The following AJAP1 variants were observed in gnomAD, a reference collection of about 807,000 sequenced individuals.
AJAP1 encodes the protein adherens junction-associated protein 1.
In AJAP1, 5 loss-of-function variants were observed where a neutral mutation model predicts 35.0. The ratio of observed to expected loss-of-function variants is 0.14; its 90% CI spans 0.07 to 0.30. The LOEUF (loss-of-function observed/expected upper bound fraction) is 0.30, where lower values mean the gene tolerates loss of function less well. Among genes scored for constraint, AJAP1 ranks in the 10% least tolerant of loss-of-function variants. The pLI, the probability that AJAP1 is intolerant of heterozygous loss-of-function variation, is 1.00. For synonymous variants in AJAP1, 284 were observed against 249.3 expected (o/e 1.14, Z -1.31); for missense variants, 586 against 571.0 (o/e 1.03, Z -0.27).
intron 2 of AJAP1, among the ~76,000 whole-genome samples, chr1:4,724,765 T>C (rs1640610355): frequency 6.6e-6 from 1 of 151,542 alleles, no homozygotes; most frequent in Non-Finnish European, 1.5e-5. Flanking sequence ...ATGCAACTTC[T>C]GGGCTTAGAG....
In AJAP1 at chr1:4,711,475, T is replaced by G. The variant is rs553406753; in HGVS notation, c.30-425T>G. ...CCAGGTGGAGGCCGGTGTCCGCTGC[T>G]GCCATCCTCTCACTTACGTCCTCTC... On this transcript the variant is annotated intron_variant, in intron 1 of 5. Transcript: ENST00000378191. 5.9e-5 allele frequency among the ~76,000 whole-genome samples: 9 copies of G among 152,314 alleles called. No homozygotes were observed. In the East Asian group the frequency reaches 1.7e-3, roughly 30 times the overall value.
intron 2 of AJAP1, among the ~76,000 whole-genome samples, chr1:4,733,651 C>T (rs1640852962): frequency 6.6e-6 from 1 of 151,744 alleles, no homozygotes; most frequent in African/African-American, 2.4e-5. Flanking sequence ...CTGCTCCGAG[C>T]GCGGGAAATC....
intron 1 of AJAP1, among the ~76,000 whole-genome samples, chr1:4,676,990 C>G (rs184902072): frequency 6.6e-6 from 1 of 152,286 alleles, no homozygotes; most frequent in African/African-American, 2.4e-5. Context: ...AACCCCGTCT[C>G]TACTAAAAAT....
At chr1:4,677,981 T>A (rs542172197) in intron 1 of AJAP1, among the ~76,000 whole-genome samples, 32 of 152,300 alleles carry the variant, frequency 2.1e-4, no homozygotes, top group Non-Finnish European at 1.8e-4. Context: ...GTAGAGGATG[T>A]CGATCAGCCC....
chr1:4,655,381 G>C lies in AJAP1; in HGVS notation c.-45G>C. 1 of 1,524,372 alleles carries C rather than the reference G, an allele frequency of 6.6e-7. No individual in the cohort carries two copies. Among genetic ancestry groups the C allele is most frequent in the Non-Finnish European group, 8.8e-7 (1 of 1,133,318 alleles). 94.4% of individuals were successfully genotyped at this position (1,524,372 alleles called of 1,614,324 possible). ...AGCGGGCGCGGGCGCCGCGCAGATG[G>C]CCTGGGCGAGCCAGGTCTGAGGCCC... On this transcript the variant is annotated 5_prime_UTR_variant, in exon 1 of 6. Coordinates refer to ENST00000378191, the MANE Select transcript of AJAP1 (RefSeq NM_018836.4). This position sits in a 1 kb window ranked among gnomAD's most constrained non-coding sequence, Gnocchi z 6.9.
rs903708474 is a variant in AJAP1, at chr1:4,786,887, A to T, written c.*4402A>T. On this transcript the variant is annotated 3_prime_UTR_variant, in exon 6 of 6. Transcript: ENST00000378191. The stretch of plus-strand genomic sequence containing the variant: ...ACCATCACCCTCTTTCATCAAGGTG[A>T]TCTCTTTCATCAGGGCATATATGAG... 6.6e-6 allele frequency: 1 copy of T among 152,068 alleles called. No homozygotes were observed. The highest frequency in any genetic ancestry group is 1.5e-5 in the Non-Finnish European group (1 of 68,018). 9.4% of individuals were successfully genotyped at this position (152,068 alleles called of 1,614,324 possible).
At chr1:4,711,298 CT>C (rs1214476318) in intron 1 of AJAP1, 1 of 152,346 alleles carries the variant, frequency 6.6e-6, no homozygotes, top group Non-Finnish European at 1.5e-5. Context: ...GTGCAAGTGC[CT>C]GGCAGGTGTA....
At chr1:4,754,223 G>A (rs963210577) in intron 2 of AJAP1, among the ~76,000 whole-genome samples, 1 of 152,154 alleles carries the variant, frequency 6.6e-6, no homozygotes, top group African/African-American at 2.4e-5. Context: ...TCTATTTCTA[G>A]TGTCCACAAT....
intron 5 of AJAP1, among the ~76,000 whole-genome samples, chr1:4,776,868 C>G (rs1230429297): frequency 6.6e-6 from 1 of 152,204 alleles, no homozygotes; most frequent in South Asian, 2.1e-4. Flanking sequence ...TCAGGTAGGT[C>G]GTCCGCAGAG....
intron 2 of AJAP1, among the ~76,000 whole-genome samples, chr1:4,750,156 C>T (rs1199544713): frequency 1.3e-5 from 2 of 151,600 alleles, no homozygotes; most frequent in African/African-American, 4.9e-5. Flanking sequence ...GTGCATTTGT[C>T]CCTGGCCATG....
Position 4,711,907 on chromosome 1 carries a change from T to C in AJAP1, c.37T>C (p.Ser13Pro), listed in dbSNP as rs1316173719. The change falls in exon 2 of 6, where the codon TCC (serine) becomes CCC (proline). Residue 13 changes from serine to proline, a missense_variant. Physicochemically the swap from Ser to Pro is moderately conservative, Grantham distance 74 (BLOSUM62 -1). Coordinates refer to ENST00000378191, the MANE Select transcript of AJAP1 (RefSeq NM_018836.4). ...CCTTTCCCCCCCGCACAGCTCCATG[T>C]CCATCCGCTGGCCGGGCCGCCCCCT... ...IQQLLGLSSM[S>P]IRWPGRPLGS... The C allele has an allele frequency of 1.3e-6, 2 of 1,504,564 alleles. No homozygotes were observed. The highest frequency in any genetic ancestry group is 2.3e-5 in the Admixed American group (1 of 43,052). The allele number at this position is 1,504,564 out of a possible 1,614,324, so 93.2% of individuals were successfully genotyped here.
At chr1:4,776,732 C>T (rs140565693) in intron 5 of AJAP1, among the ~76,000 whole-genome samples, 2,059 of 152,266 alleles carry the variant, frequency 0.014, 44 homozygotes, top group African/African-American at 0.039. Flanking sequence ...GAGACATGGG[C>T]GCCCCCAGAT....
rs369334665 is a variant in AJAP1 at position 4,712,194 on chromosome 1, G to A, written c.324G>A (p.Ala108=). ...GGGCCCACAGGCCCCGGGACCAGGC[G>A]GCCGCCCTCGTGCCCAAGGCAGGAC... ...ARRAHRPRDQ[A]AALVPKAGLA... Residue 108 remains alanine (A), a synonymous_variant, in exon 2 of 6, where the codon GCG becomes GCA. Coordinates refer to ENST00000378191, the MANE Select transcript of AJAP1 (RefSeq NM_018836.4). 2.6e-6 allele frequency: 4 copies of A among 1,562,614 alleles called. No individual in the cohort carries two copies. The highest frequency in any genetic ancestry group is 1.9e-5 in the Admixed American group (1 of 53,362).
intron 2 of AJAP1, among the ~76,000 whole-genome samples, chr1:4,756,432 T>G (rs1386362924): frequency 1.3e-5 from 2 of 152,158 alleles, no homozygotes; most frequent in African/African-American, 4.8e-5. Flanking sequence ...AGCAGGGGCT[T>G]GTCTGGACCA....
intron 2 of AJAP1, among the ~76,000 whole-genome samples, chr1:4,738,004 G>T (rs1640968225): frequency 6.6e-6 from 1 of 152,252 alleles, no homozygotes; most frequent in Non-Finnish European, 1.5e-5. Flanking sequence ...ACAAGAGCTG[G>T]TTAAACTCCA....
chr1:4,709,218 GCTGGTGGGGGCTGGTGGGGC>G (rs1640166280), intron 1 of AJAP1, among the ~76,000 whole-genome samples: 3 of 146,572 alleles, frequency 2.0e-5, no homozygotes, highest in Non-Finnish European at 3.0e-5. Flanking sequence ...CCTGGTGGGG[GCTGGTGGGGGCTGGTGGGGC>G]CTGGTGGGGG....
intron 1 of AJAP1, among the ~76,000 whole-genome samples, chr1:4,675,650 C>G (rs1639346458): frequency 6.6e-6 from 1 of 152,234 alleles, no homozygotes; most frequent in Non-Finnish European, 1.5e-5. Flanking sequence ...CAGGCAAACA[C>G]AGAAATTCTT....
At chr1:4,708,560 T>C (rs1640153266) in intron 1 of AJAP1, among the ~76,000 whole-genome samples, 1 of 152,236 alleles carries the variant, frequency 6.6e-6, no homozygotes. Flanking sequence ...TCCCAGGCTC[T>C]GCCTCATCTC....
chr1:4,708,070 C>T (rs907362273), intron 1 of AJAP1, among the ~76,000 whole-genome samples: 4 of 150,656 alleles, frequency 2.7e-5, no homozygotes, highest in Non-Finnish European at 4.4e-5. Flanking sequence ...TGGGTTCAAG[C>T]GATTCTCCTG....
Sources: allele counts gnomAD v4.1 joint callset (sites outside exome capture counted in the v4.1 genomes callset), GRCh38; gene constraint gnomAD v4.1.1; non-coding constraint Gnocchi (gnomAD v3.1); transcripts MANE v1.5; gene names NCBI Gene and HGNC (gene_info 2026-07-23, HGNC 2026-07-21).